LARGE1: variants seen among roughly 807,000 people sequenced by gnomAD.
The protein encoded by LARGE1 is xylosyl- and glucuronyltransferase LARGE1.
In LARGE1, 43 loss-of-function variants were observed where a neutral mutation model predicts 87.6. That is an observed-to-expected ratio of 0.49 (90% CI 0.38 to 0.63). The LOEUF is 0.63. Ranked by LOEUF, LARGE1 falls within the 30% of genes least tolerant of loss-of-function variation. The probability of loss-of-function intolerance (pLI) is 0.00; values close to 1 mark genes in which losing one functional copy is unlikely to be tolerated. For missense variants in LARGE1, 802 were observed against 1,000.2 expected (o/e 0.80, Z 2.67); for synonymous variants, 434 against 394.6 (o/e 1.10, Z -1.18).
the LARGE1 span, among the ~76,000 whole-genome samples, chr22:33,155,047 G>A: frequency 2.6e-5 from 4 of 152,198 alleles, no homozygotes; most frequent in African/African-American, 7.2e-5. Flanking sequence ...CCCCAGCCAC[G>A]TGGAACTGTA....
rs1601836110 is a variant in LARGE1 at position 33,878,125 on chromosome 22, A to ATTTTTTTTTTTTTTTTTT, written c.-83+41869_-83+41870insAAAAAAAAAAAAAAAAAA. On this transcript the variant is annotated intron_variant, in intron 1 of 14. Coordinates refer to ENST00000397394, the MANE Select transcript of LARGE1 (RefSeq NM_133642.5). ...AAATTATGTATGTTGTTTATATTGT[A>ATTTTTTTTTTTTTTTTTT]TTTCTTTTTTTTTTTTTTTTTTTTT... is the stretch of plus-strand genomic sequence containing the variant. Among the ~76,000 whole-genome samples, 16 of 51,250 alleles carry ATTTTTTTTTTTTTTTTTT rather than the reference A, an allele frequency of 3.1e-4. 1 individual carries two copies. The highest frequency in any genetic ancestry group is 5.7e-4 in the Non-Finnish European group (14 of 24,584). The allele number at this position is 51,250 out of a possible 152,430, so 33.6% of individuals were successfully genotyped here. A position where few individuals can be genotyped will look rare whatever the true frequency, so the allele number is the denominator to read the frequency against.
chr22:33,407,114 T>A (rs935382430), intron 7 of LARGE1, among the ~76,000 whole-genome samples: 15 of 152,162 alleles, frequency 9.9e-5, no homozygotes, highest in Admixed American at 3.9e-4. Context: ...TAATATATAC[T>A]GAACTCTATG....
chr22:33,209,336 G>T (rs2146228140), intron 11 of LARGE1, among the ~76,000 whole-genome samples: 1 of 152,236 alleles, frequency 6.6e-6, no homozygotes, highest in Middle Eastern at 3.4e-3. Context: ...GCGATCTATG[G>T]TAATTTTCCT....
intron 9 of LARGE1, among the ~76,000 whole-genome samples, chr22:33,352,631 C>T (rs549774438): frequency 2.0e-4 from 30 of 151,964 alleles, no homozygotes; most frequent in African/African-American, 6.0e-4. Context: ...TGGTAGCAGG[C>T]GCCTGTAATC....
the LARGE1 span, among the ~76,000 whole-genome samples, chr22:33,068,245 T>C: frequency 6.6e-6 from 1 of 152,190 alleles, no homozygotes; most frequent in African/African-American, 2.4e-5. Flanking sequence ...CCCTTGAGAT[T>C]GTGCATAAAG....
At chr22:33,748,783 T>C (rs1175369590) in intron 2 of LARGE1, among the ~76,000 whole-genome samples, 1 of 152,234 alleles carries the variant, frequency 6.6e-6, no homozygotes, top group Non-Finnish European at 1.5e-5. Flanking sequence ...TCTCCAAACA[T>C]GGCCAATGCA....
At chr22:33,241,167 C>T (rs745891736) in intron 11 of LARGE1, among the ~76,000 whole-genome samples, 26 of 152,190 alleles carry the variant, frequency 1.7e-4, no homozygotes, top group Non-Finnish European at 3.2e-4. Context: ...CTATTTTGTA[C>T]TCCTGCTTCA....
chr22:33,432,595 TCATG>T (rs1555916106), intron 6 of LARGE1, among the ~76,000 whole-genome samples: 2 of 147,138 alleles, frequency 1.4e-5, no homozygotes, highest in Non-Finnish European at 1.5e-5. Context: ...ATTCATTCAT[TCATG>T]CATGCATGCA....
intron 3 of LARGE1, among the ~76,000 whole-genome samples, chr22:33,631,104 C>T (rs1602838420): frequency 1.3e-5 from 2 of 152,178 alleles, no homozygotes; most frequent in Non-Finnish European, 2.9e-5. Flanking sequence ...CCACCCGCCT[C>T]AGCCTCCCAA....
At chr22:33,144,439 T>C in the LARGE1 span, among the ~76,000 whole-genome samples, 2 of 152,308 alleles carry the variant, frequency 1.3e-5, no homozygotes, top group African/African-American at 4.8e-5. Flanking sequence ...TCTATAGTTG[T>C]TGCATATATT....
chr22:33,605,087 C>G (rs1419646792), intron 4 of LARGE1, among the ~76,000 whole-genome samples: 1 of 151,578 alleles, frequency 6.6e-6, no homozygotes, highest in African/African-American at 2.4e-5. Flanking sequence ...CCAGTAACAG[C>G]CTGTCCTCAC....
chr22:33,920,494 AAC>A (rs2065915396), upstream of LARGE1: 1 of 143,470 alleles, frequency 7.0e-6, no homozygotes, highest in Non-Finnish European at 1.5e-5. Context: ...CCGGGCGCCG[AAC>A]GCGGCGGCGC....
intron 9 of LARGE1, among the ~76,000 whole-genome samples, chr22:33,371,684 T>C (rs1214718198): frequency 2.6e-5 from 4 of 152,120 alleles, no homozygotes; most frequent in African/African-American, 9.7e-5. Context: ...ATTAGGTAAA[T>C]GTAAATGGAG....
intron 6 of LARGE1, among the ~76,000 whole-genome samples, chr22:33,513,817 A>ACACAC (rs1010091916): frequency 2.7e-5 from 4 of 149,338 alleles, no homozygotes; most frequent in Admixed American, 1.3e-4. Flanking sequence ...TGATGTACAC[A>ACACAC]CACACACACA....
intron 6 of LARGE1, among the ~76,000 whole-genome samples, chr22:33,553,938 G>A (rs997556238): frequency 5.3e-5 from 8 of 152,140 alleles, no homozygotes; most frequent in Admixed American, 2.0e-4. Flanking sequence ...AACTGATAGA[G>A]AGGTCCATGG....
chr22:33,922,564 G>A (rs2065978142), upstream of LARGE1: 1 of 152,260 alleles, frequency 6.6e-6, no homozygotes, highest in Non-Finnish European at 1.5e-5. Context: ...AGTAAAAGAC[G>A]TTTGCTTTGG....
chr22:33,089,422 T>C, the LARGE1 span, among the ~76,000 whole-genome samples: 5 of 85,492 alleles, frequency 5.8e-5, no homozygotes, highest in African/African-American at 2.3e-4. Context: ...CTACTTCTTC[T>C]TCCTCTTCCT....
chr22:33,713,977 A>ATAACG lies in LARGE1; in HGVS notation c.106+47389_106+47393dup, dbSNP rs199573180. On this transcript the variant is annotated intron_variant, in intron 2 of 14. Transcript: ENST00000397394. ...TCAAAGAAAAAGTAAATAACGTAAC[A>ATAACG]TAACGTAACATAACATAACATAACA... Among the ~76,000 whole-genome samples the ATAACG allele has an allele frequency of 3.5e-4, 39 of 111,468 alleles. 1 individual carries two copies. Among genetic ancestry groups the ATAACG allele is most frequent in the Admixed American group, 1.4e-3 (14 of 10,368 alleles). 73.1% of individuals were successfully genotyped at this position (111,468 alleles called of 152,430 possible). A position where few individuals can be genotyped will look rare whatever the true frequency, so the allele number is the denominator to read the frequency against.
intron 2 of LARGE1, among the ~76,000 whole-genome samples, chr22:33,706,771 T>C (rs928066947): frequency 9.2e-5 from 14 of 152,200 alleles, no homozygotes; most frequent in Non-Finnish European, 1.6e-4. Context: ...TCCCTGTGAA[T>C]TGGCCCTTTT....
Sources: gnomAD v4.1 joint callset for allele counts (sites outside exome capture counted in the v4.1 genomes callset) on GRCh38, gnomAD v4.1.1 for gene constraint, MANE v1.5 for transcripts, NCBI Gene and HGNC (gene_info 2026-07-23, HGNC 2026-07-21) for gene names.